The following MRGBP variants were observed in gnomAD, a reference collection of about 807,000 sequenced individuals.
MRGBP encodes MRG/MORF4L-binding protein.
Under a neutral mutation model 21.5 loss-of-function variants are expected in MRGBP, and 5 were observed. That is an observed-to-expected ratio of 0.23 (90% CI 0.12 to 0.49). The LOEUF (loss-of-function observed/expected upper bound fraction) is 0.49, where lower values mean the gene tolerates loss of function less well. Ranked by LOEUF, MRGBP falls within the 20% of genes least tolerant of loss-of-function variation. MRGBP has a pLI of 0.98. For missense variants in MRGBP, 227 were observed against 277.4 expected, an observed-to-expected ratio of 0.82 and a Z score of 1.29; for synonymous variants, 118 against 104.4, an observed-to-expected ratio of 1.13 and a Z score of -0.79.
In MRGBP at chr20:62,796,555, C is replaced by T; in HGVS notation, c.32C>T (p.Ala11Val). Reference protein sequence around the residue: MGEAEVGGGGAAGDKGPGEAA... With the variant: MGEAEVGGGGVAGDKGPGEAA... ...GAGGCCGAGGTGGGCGGCGGGGGCG[C>T]CGCAGGCGACAAGGGCCCGGGGGAG... The change falls in exon 1 of 5, where the codon GCC (alanine) becomes GTC (valine). Residue 11 changes from alanine to valine, a missense_variant. Transcript: ENST00000370487. 1.7e-6 allele frequency: 2 copies of T among 1,209,756 alleles called. No individual in the cohort carries two copies. Among genetic ancestry groups the T allele is most frequent in the Non-Finnish European group, 2.1e-6 (2 of 968,588 alleles). The allele number at this position is 1,209,756 out of a possible 1,614,324, so 74.9% of individuals were successfully genotyped here.
intron 4 of MRGBP, among the ~76,000 whole-genome samples, 188 bp from the exon 5 acceptor site, chr20:62,799,268 C>T (rs931987190): frequency 2.0e-5 from 3 of 152,146 alleles, no homozygotes; most frequent in Non-Finnish European, 2.9e-5. Flanking sequence ...CTGCAGTGCC[C>T]GCCGCAGGCA....
At position 62,796,490 on chromosome 20, in the gene MRGBP, C is replaced by G. The variant is rs1342385414; in HGVS notation, c.-34C>G. On this transcript the variant is annotated 5_prime_UTR_variant, in exon 1 of 5. Transcript: ENST00000370487. Reference sequence around the variant, plus strand: ...CGGAGCTCGTGGCCGCGCCTGCTCCCGCCGGGGGCTCCTTGCTCGGCCGGG... The same window carrying G: ...CGGAGCTCGTGGCCGCGCCTGCTCCGGCCGGGGGCTCCTTGCTCGGCCGGG... 7.2e-6 allele frequency: 8 copies of G among 1,114,000 alleles called. No individual in the cohort carries two copies. Among genetic ancestry groups the G allele is most frequent in the Non-Finnish European group, 8.8e-6 (8 of 912,522 alleles). The allele number at this position is 1,114,000 out of a possible 1,614,324, so 69.0% of individuals were successfully genotyped here.
At position 62,799,066 on chromosome 20, in the gene MRGBP, C is replaced by T. The variant is rs1436696088; in HGVS notation, c.427+17C>T. On this transcript the variant is annotated intron_variant, in intron 4 of 4. Transcript: ENST00000370487. Reference sequence around the variant, plus strand: ...CTGACGATGGTGAGTGTGGAGCTCACCCTGCCCTGATGCCCTTTGGGGCTC... The same window carrying T: ...CTGACGATGGTGAGTGTGGAGCTCATCCTGCCCTGATGCCCTTTGGGGCTC... 7 of 1,601,646 alleles carry T rather than the reference C, an allele frequency of 4.4e-6. No individual in the cohort carries two copies. Among genetic ancestry groups the T allele is most frequent in the Non-Finnish European group, 6.0e-6 (7 of 1,173,840 alleles).
At chr20:62,797,727 C>T (rs1990367106) in intron 2 of MRGBP, among the ~76,000 whole-genome samples, 1 of 152,242 alleles carries the variant, frequency 6.6e-6, no homozygotes, top group South Asian at 2.1e-4. Context: ...AATTTGGTGA[C>T]TTCTGTGGGA....
chr20:62,797,185 A>G lies in MRGBP; in HGVS notation c.224A>G (p.Lys75Arg). ...SQNIGRQVPS[K>R]VIWDHLSTMY... ...AACATCGGGCGGCAGGTCCCATCCA[A>G]GGTCATCTGGGACCATCTGAGCACC... Residue 75 changes from lysine to arginine, a missense_variant, in exon 2 of 5, where the codon AAG (lysine) becomes AGG (arginine). Around this residue, in one of 2 missense-constraint regions of MRGBP, gnomAD observed 162 missense variants for 227.7 expected, o/e 0.71. Coordinates refer to ENST00000370487, the MANE Select transcript of MRGBP (RefSeq NM_018270.6). The G allele has an allele frequency of 6.2e-7, 1 of 1,605,008 alleles. No individual in the cohort carries two copies.
At chr20:62,798,448 GC>G in intron 2 of MRGBP, 138 bp from the exon 3 acceptor site, 3 of 685,172 alleles carry the variant, frequency 4.4e-6, no homozygotes, top group Non-Finnish European at 7.8e-6. Context: ...CTTTGCCCTT[GC>G]CCCGCCCGCC....
Position 62,796,630 on chromosome 20 carries a change from A to G in MRGBP, c.107A>G (p.Glu36Gly). ...ACAGTGGTGTGGAGCCCCGAGGTGG[A>G]GGTGTGCCTCTTCCACGCCATGCTG... ...EETVVWSPEVEVCLFHAMLGH... is the reference protein window; with the variant it reads ...EETVVWSPEVGVCLFHAMLGH... The change falls in exon 1 of 5, where the codon GAG (glutamate) becomes GGG (glycine). Residue 36 changes from glutamate (E) to glycine (G), a missense_variant. This residue lies in a region of MRGBP where 65 missense variants were observed against 49.7 expected (regional missense o/e 1.31). Coordinates refer to ENST00000370487, the MANE Select transcript of MRGBP (RefSeq NM_018270.6). 1 of 1,337,018 alleles carries G rather than the reference A, an allele frequency of 7.5e-7. No individual in the cohort carries two copies. 82.8% of individuals were successfully genotyped at this position (1,337,018 alleles called of 1,614,324 possible). A position where few individuals can be genotyped will look rare whatever the true frequency, so the allele number is the denominator to read the frequency against.
chr20:62,800,024 C>T lies in MRGBP; in HGVS notation c.*381C>T, dbSNP rs561928718. On this transcript the variant is annotated 3_prime_UTR_variant, in exon 5 of 5. Transcript: ENST00000370487. The stretch of plus-strand genomic sequence containing the variant: ...AGGGGCATCGGGCCAGGGAAAACCT[C>T]GGATTAGCAAGCAATAAAAACATGA... The T allele has an allele frequency of 1.3e-3, 241 of 186,158 alleles. No homozygotes were observed. Among genetic ancestry groups the T allele is most frequent in the African/African-American group, 5.2e-3 (223 of 42,892 alleles). 11.5% of individuals were successfully genotyped at this position (186,158 alleles called of 1,614,324 possible).
chr20:62,800,957 A>G lies in MRGBP; in HGVS notation c.*1314A>G, dbSNP rs1303535416. ...ACAAGCTGTCCTGGCCAGCCATCGC[A>G]CCCCAATGTCTTCAGCTTGACGTTG... On this transcript the variant is annotated 3_prime_UTR_variant, in exon 5 of 5. Coordinates refer to ENST00000370487, the MANE Select transcript of MRGBP (RefSeq NM_018270.6). 1 of 151,682 alleles carries G rather than the reference A, an allele frequency of 6.6e-6. No individual in the cohort carries two copies. Among genetic ancestry groups the G allele is most frequent in the African/African-American group, 2.4e-5 (1 of 41,240 alleles). The allele number at this position is 151,682 out of a possible 1,614,324, so 9.4% of individuals were successfully genotyped here. A position where few individuals can be genotyped will look rare whatever the true frequency, so the allele number is the denominator to read the frequency against.
rs973119877 is a variant in MRGBP at position 62,800,557 on chromosome 20, C to T, written c.*914C>T. The stretch of plus-strand genomic sequence containing the variant: ...CCAGTGCTGATGGAGATGCCACTTT[C>T]GTGTGACTGCGAACATTAAAGCACA... On this transcript the variant is annotated 3_prime_UTR_variant, in exon 5 of 5. Coordinates refer to ENST00000370487, the MANE Select transcript of MRGBP (RefSeq NM_018270.6). 4 of 152,204 alleles carry T rather than the reference C, an allele frequency of 2.6e-5. No homozygotes were observed. Among genetic ancestry groups the T allele is most frequent in the East Asian group, 1.9e-4 (1 of 5,198 alleles). 9.4% of individuals were successfully genotyped at this position (152,204 alleles called of 1,614,324 possible).
intron 3 of MRGBP, 147 bp from the exon 4 acceptor site, chr20:62,798,828 T>C (rs1241870474): frequency 2.5e-6 from 4 of 1,570,278 alleles, no homozygotes; most frequent in Non-Finnish European, 3.5e-6. Flanking sequence ...CCTCCGGGAT[T>C]GGAGAGGACT....
chr20:62,798,747 C>T, intron 3 of MRGBP, 79 bp downstream of exon 3: 1 of 1,590,846 alleles, frequency 6.3e-7, no homozygotes, highest in South Asian at 1.1e-5. Context: ...AGGGTGAGGA[C>T]CCCGGGCCTC....
chr20:62,798,711 A>G, intron 3 of MRGBP, 43 bp downstream of exon 3: 1 of 1,608,034 alleles, frequency 6.2e-7, no homozygotes, highest in Non-Finnish European at 8.5e-7. Flanking sequence ...AGAAAAGGCC[A>G]GACCCTGGCC....
intron 1 of MRGBP, 58 bp from the exon 2 acceptor site, chr20:62,797,052 C>G: frequency 6.5e-7 from 1 of 1,543,240 alleles, no homozygotes; most frequent in South Asian, 1.2e-5. Context: ...AGCCCGTCCC[C>G]TCCATCCCCT....
chr20:62,801,611 C>T lies in MRGBP; in HGVS notation c.*1968C>T, dbSNP rs73317070. 7.3e-3 allele frequency: 1,117 copies of T among 152,508 alleles called. 20 individuals are homozygous for T. Among genetic ancestry groups the T allele is most frequent in the African/African-American group, 0.025 (1,036 of 41,582 alleles). 9.4% of individuals were successfully genotyped at this position (152,508 alleles called of 1,614,324 possible). On this transcript the variant is annotated 3_prime_UTR_variant, in exon 5 of 5. Transcript: ENST00000370487. Reference sequence around the variant, plus strand: ...ACTAACACGGGGTGTCACGGGATGGCCAGGAGGAGTCCTGCTCGCCACCCA... The same window carrying T: ...ACTAACACGGGGTGTCACGGGATGGTCAGGAGGAGTCCTGCTCGCCACCCA...
At position 62,800,282 on chromosome 20, in the gene MRGBP, T is replaced by C. The variant is rs1286864223; in HGVS notation, c.*639T>C. 1.3e-5 allele frequency: 2 copies of C among 152,590 alleles called. No individual in the cohort carries two copies. The highest frequency in any genetic ancestry group is 1.3e-4 in the Admixed American group (2 of 15,286). The allele number at this position is 152,590 out of a possible 1,614,324, so 9.5% of individuals were successfully genotyped here. A position where few individuals can be genotyped will look rare whatever the true frequency, so the allele number is the denominator to read the frequency against. On this transcript the variant is annotated 3_prime_UTR_variant, in exon 5 of 5. Transcript: ENST00000370487. ...AACAATGTATATAATTTGGTTGGTA[T>C]TTCACTATTTAATTTTTAAGAAGCC... is the stretch of plus-strand genomic sequence containing the variant.
In MRGBP at chr20:62,797,209, C is replaced by G; in HGVS notation, c.248C>G (p.Thr83Ser). ...AAGGTCATCTGGGACCATCTGAGCACCATGTACGACATGCAGGCGCTGGTG... is the reference window on the plus strand; with the variant it reads ...AAGGTCATCTGGGACCATCTGAGCAGCATGTACGACATGCAGGCGCTGGTG... The part of the protein sequence containing the change: ...PSKVIWDHLS[T>S]MYDMQALHES... The change falls in exon 2 of 5, where the codon ACC becomes AGC. Residue 83 changes from threonine (T) to serine (S), a missense_variant. Coordinates refer to ENST00000370487, the MANE Select transcript of MRGBP (RefSeq NM_018270.6). 6.3e-7 allele frequency: 1 copy of G among 1,596,256 alleles called. No individual in the cohort carries two copies. The highest frequency in any genetic ancestry group is 2.3e-5 in the East Asian group (1 of 42,926).
In MRGBP at chr20:62,800,522, G is replaced by A. The variant is rs1990435637; in HGVS notation, c.*879G>A. 1 of 152,342 alleles carries A rather than the reference G, an allele frequency of 6.6e-6. No homozygotes were observed. The highest frequency in any genetic ancestry group is 2.4e-5 in the African/African-American group (1 of 41,412). 9.4% of individuals were successfully genotyped at this position (152,342 alleles called of 1,614,324 possible). A position where few individuals can be genotyped will look rare whatever the true frequency, so the allele number is the denominator to read the frequency against. On this transcript the variant is annotated 3_prime_UTR_variant, in exon 5 of 5. Transcript: ENST00000370487. ...CCGTGCAGCTGTCGGCTGATGAGGA[G>A]GCGGCCGCCCCAGTGCTGATGGAGA...
intron 2 of MRGBP, among the ~76,000 whole-genome samples, chr20:62,797,601 C>T (rs955252977): frequency 1.3e-5 from 2 of 152,168 alleles, no homozygotes; most frequent in South Asian, 4.1e-4. Flanking sequence ...CAGCTGAGAC[C>T]CTGGGGAGGG....
Sources: allele counts gnomAD v4.1 joint callset (sites outside exome capture counted in the v4.1 genomes callset), GRCh38; gene constraint gnomAD v4.1.1; regional missense constraint gnomAD v4.1.1; transcripts MANE v1.5; gene names NCBI Gene and HGNC (gene_info 2026-07-23, HGNC 2026-07-21).